The following TMPRSS15 variants were observed in gnomAD, a reference collection of about 807,000 sequenced individuals.
TMPRSS15 encodes transmembrane serine protease 15.
A neutral mutation model predicts 125.3 loss-of-function variants in TMPRSS15; 128 were observed. That is an observed-to-expected ratio of 1.02 (90% confidence interval 0.89 to 1.18). TMPRSS15 has a LOEUF of 1.18. Among genes scored for constraint, TMPRSS15 ranks in the 50% most tolerant of loss-of-function variants. TMPRSS15 has a pLI of 0.00. For missense variants in TMPRSS15, 1,283 were observed against 1,212.7 expected, an observed-to-expected ratio of 1.06 and a Z score of -0.86; for synonymous variants, 446 against 423.2, an observed-to-expected ratio of 1.05 and a Z score of -0.66.
chr21:18,466,226 T>C (rs1978657546), intron 1 of TMPRSS15, among the ~76,000 whole-genome samples: 1 of 152,186 alleles, frequency 6.6e-6, no homozygotes. Flanking sequence ...AAAGTGAAAC[T>C]GGATCCCTTC....
chr21:18,317,092 C>A (rs1341911366), intron 16 of TMPRSS15, among the ~76,000 whole-genome samples: 5 of 152,188 alleles, frequency 3.3e-5, no homozygotes, highest in African/African-American at 1.2e-4. Flanking sequence ...ATTACTATTA[C>A]ATTGCTTTCA....
At chr21:18,377,873 T>C (rs1195010253) in intron 5 of TMPRSS15, among the ~76,000 whole-genome samples, 1 of 152,058 alleles carries the variant, frequency 6.6e-6, no homozygotes, top group Non-Finnish European at 1.5e-5. Context: ...CCAGAGAAAA[T>C]TGGGCAGATG....
Position 18,422,750 on chromosome 21 carries a change from C to T in TMPRSS15, c.11-24421G>A, listed in dbSNP as rs147195264. 7.7e-3 allele frequency among the ~76,000 whole-genome samples: 1,165 copies of T among 152,234 alleles called. 18 individuals carry two copies. The highest frequency in any genetic ancestry group is 0.027 in the African/African-American group (1,115 of 41,536). On this transcript the variant is annotated intron_variant, in intron 1 of 7. Transcript: ENST00000422787. ...ATAGTCTGGATCTTAACACTAAATTCAATAGTTTTGCATGTGTCAATTTAG... is the reference window on the plus strand; with the variant it reads ...ATAGTCTGGATCTTAACACTAAATTTAATAGTTTTGCATGTGTCAATTTAG...
Position 18,353,795 on chromosome 21 carries a change from TAAGA to T in TMPRSS15, c.945_948del (p.Phe315LeufsTer2). ...ACATAATCACTTTCATCAGATTCTA[TAAGA>T]AAGGTGGCAGTAACTTGGTTGGAAA... On this transcript the variant is annotated frameshift_variant, in exon 9 of 25. Transcript: ENST00000284885. LOFTEE classifies it high-confidence loss of function. 4.3e-6 allele frequency: 7 copies of T among 1,611,910 alleles called. No homozygotes were observed. The highest frequency in any genetic ancestry group is 5.9e-6 in the Non-Finnish European group (7 of 1,178,494).
chr21:18,334,100 A>G (rs1217342053), intron 13 of TMPRSS15, among the ~76,000 whole-genome samples: 1 of 152,148 alleles, frequency 6.6e-6, no homozygotes, highest in Non-Finnish European at 1.5e-5. Flanking sequence ...TGATAGCCAT[A>G]CCCTCTTCCT....
chr21:18,308,549 G>C (rs1242849033), intron 18 of TMPRSS15, among the ~76,000 whole-genome samples: 1 of 150,256 alleles, frequency 6.7e-6, no homozygotes, highest in Admixed American at 6.6e-5. Context: ...TTTATAAAAA[G>C]TTTAAAAGTA....
rs113478298 is a variant in TMPRSS15 at position 18,344,161 on chromosome 21, G to A, written c.1172-101C>T. On this transcript the variant is annotated intron_variant, in intron 10 of 24. Transcript: ENST00000284885. ...AGGAAAGAAAAACTTTAAGAAGAAA[G>A]GTTAAGGAAATATATTTTAATATAG... is the stretch of plus-strand genomic sequence containing the variant. The A allele has an allele frequency of 4.0e-5, 39 of 981,754 alleles. No individual in the cohort carries two copies. In the African/African-American group the frequency reaches 5.2e-4, roughly 13 times the overall value. 60.8% of individuals were successfully genotyped at this position (981,754 alleles called of 1,614,324 possible).
chr21:18,289,043 TTGATA>T (rs1188810354), intron 21 of TMPRSS15, among the ~76,000 whole-genome samples: 3 of 152,154 alleles, frequency 2.0e-5, no homozygotes, highest in African/African-American at 7.2e-5. Flanking sequence ...AATTATTGAA[TTGATA>T]TATGTCCTGT....
intron 1 of TMPRSS15, among the ~76,000 whole-genome samples, chr21:18,398,655 A>G (rs1018605113): frequency 6.6e-6 from 1 of 152,128 alleles, no homozygotes; most frequent in Non-Finnish European, 1.5e-5. Flanking sequence ...CGGACTGATG[A>G]ACTCCCACCA....
chr21:18,434,793 C>A (rs1218434306), intron 1 of TMPRSS15, among the ~76,000 whole-genome samples: 1 of 151,944 alleles, frequency 6.6e-6, no homozygotes, highest in African/African-American at 2.4e-5. Context: ...TTAAAAGGCA[C>A]TATTAGTTAC....
chr21:18,299,764 C>T (rs1010607490), intron 18 of TMPRSS15, among the ~76,000 whole-genome samples: 6 of 152,164 alleles, frequency 3.9e-5, no homozygotes, highest in African/African-American at 1.2e-4. Flanking sequence ...ACAAGCAGCA[C>T]CAGCCTCAGG....
At chr21:18,420,702 C>T (rs942837291) in intron 1 of TMPRSS15, among the ~76,000 whole-genome samples, 3 of 152,120 alleles carry the variant, frequency 2.0e-5, no homozygotes, top group Non-Finnish European at 4.4e-5. Flanking sequence ...TTTCAAATAG[C>T]ATGGCCAGGC....
chr21:18,366,633 T>C (rs12627490), intron 6 of TMPRSS15, among the ~76,000 whole-genome samples: 14,172 of 152,162 alleles, frequency 0.093, 755 homozygotes, highest in South Asian at 0.14. Context: ...TTTTCACAAC[T>C]TTTAGTCTTT....
At chr21:18,372,162 AG>A in intron 6 of TMPRSS15, 30 bp downstream of exon 6, 1 of 1,594,072 alleles carries the variant, frequency 6.3e-7, no homozygotes, top group Non-Finnish European at 8.6e-7. Flanking sequence ...AGGATAAAAC[AG>A]AAGGGGAGAG....
intron 13 of TMPRSS15, among the ~76,000 whole-genome samples, chr21:18,337,805 T>C (rs1372423705): frequency 6.6e-6 from 1 of 152,144 alleles, no homozygotes. Flanking sequence ...AAGTCATTGA[T>C]CTGGAACCAA....
At chr21:18,480,057 C>T (rs1978952731) in intron 1 of TMPRSS15, among the ~76,000 whole-genome samples, 1 of 151,952 alleles carries the variant, frequency 6.6e-6, no homozygotes, top group African/African-American at 2.4e-5. Flanking sequence ...ACTATGCAGC[C>T]ATGAAAAAGG....
chr21:18,319,868 A>G (rs956912239), intron 16 of TMPRSS15, among the ~76,000 whole-genome samples: 6 of 152,176 alleles, frequency 3.9e-5, no homozygotes, highest in Non-Finnish European at 7.4e-5. Context: ...CTATTTGTAT[A>G]CTCTACTTTA....
At chr21:18,372,926 A>C (rs2075807184) in intron 5 of TMPRSS15, among the ~76,000 whole-genome samples, 1 of 152,240 alleles carries the variant, frequency 6.6e-6, no homozygotes, top group Non-Finnish European at 1.5e-5. Flanking sequence ...TCTAGAAATT[A>C]ACTTGGGAAG....
chr21:18,297,707 A>G (rs780975099), intron 19 of TMPRSS15, 27 bp downstream of exon 19: 19 of 1,536,042 alleles, frequency 1.2e-5, no homozygotes, highest in Non-Finnish European at 1.5e-5. Flanking sequence ...ATGTACAACT[A>G]GTCTAAGAAC....
Sources: allele counts gnomAD v4.1 joint callset (sites outside exome capture counted in the v4.1 genomes callset), GRCh38; gene constraint gnomAD v4.1.1; transcripts MANE v1.5; gene names NCBI Gene and HGNC (gene_info 2026-07-23, HGNC 2026-07-21).